TK2: variants seen among roughly 807,000 people sequenced by gnomAD.
TK2 encodes the protein thymidine kinase 2, mitochondrial.
In TK2, 35 loss-of-function variants were observed where a neutral mutation model predicts 41.9. That is an observed-to-expected ratio of 0.84 (90% CI 0.64 to 1.11). TK2 has a LOEUF of 1.11. Among genes scored for constraint, TK2 ranks in the 50% least tolerant of loss-of-function variants. The pLI, the probability that TK2 is intolerant of heterozygous loss-of-function variation, is 0.00. For synonymous variants in TK2, 128 were observed against 129.1 expected (o/e 0.99, Z 0.06); for missense variants, 320 against 351.1 (o/e 0.91, Z 0.71).
chr16:66,527,378 TAGG>T (rs991800702), intron 6 of TK2, among the ~76,000 whole-genome samples: 12 of 152,156 alleles, frequency 7.9e-5, no homozygotes, highest in African/African-American at 2.9e-4. Context: ...TCAGGGCTCC[TAGG>T]AGAAGCCTTT....
At chr16:66,523,102 G>C (rs992961976) in intron 6 of TK2, among the ~76,000 whole-genome samples, 1 of 152,194 alleles carries the variant, frequency 6.6e-6, no homozygotes, top group African/African-American at 2.4e-5. Flanking sequence ...ACTTCGAGGA[G>C]ATGCAGGATT....
At chr16:66,546,134 G>A (rs1418290253) in intron 2 of TK2, among the ~76,000 whole-genome samples, 7 of 152,214 alleles carry the variant, frequency 4.6e-5, no homozygotes, top group Non-Finnish European at 8.8e-5. Flanking sequence ...GGAGGCTGAT[G>A]TGGGAGGATC....
chr16:66,532,402 A>G (rs1965143310), intron 4 of TK2, among the ~76,000 whole-genome samples: 1 of 152,114 alleles, frequency 6.6e-6, no homozygotes, highest in African/African-American at 2.4e-5. Flanking sequence ...CCAGGAGTTC[A>G]AGACCAGCCT....
chr16:66,518,843 T>C (rs1290901934), intron 6 of TK2, among the ~76,000 whole-genome samples: 1 of 152,240 alleles, frequency 6.6e-6, no homozygotes, highest in Non-Finnish European at 1.5e-5. Flanking sequence ...CAGGACTACA[T>C]GAGACTTTTC....
intron 6 of TK2, among the ~76,000 whole-genome samples, chr16:66,518,949 A>C (rs879670188): frequency 6.6e-6 from 1 of 151,706 alleles, no homozygotes; most frequent in Non-Finnish European, 1.5e-5. Flanking sequence ...TACATATTTT[A>C]GTTTTTATTT....
At chr16:66,543,618 G>T (rs946104344) in intron 2 of TK2, among the ~76,000 whole-genome samples, 1 of 152,184 alleles carries the variant, frequency 6.6e-6, no homozygotes, top group Non-Finnish European at 1.5e-5. Context: ...GGCAACACAG[G>T]TAACTTACCC....
At chr16:66,542,417 A>T (rs1445092672) in intron 2 of TK2, among the ~76,000 whole-genome samples, 1 of 152,204 alleles carries the variant, frequency 6.6e-6, no homozygotes, top group African/African-American at 2.4e-5. Flanking sequence ...CCATTAGGAA[A>T]GGGGAGAAGA....
At chr16:66,515,684 G>T (rs1964591753) in intron 8 of TK2, among the ~76,000 whole-genome samples, 1 of 152,330 alleles carries the variant, frequency 6.6e-6, no homozygotes, top group South Asian at 2.1e-4. Context: ...CCCCAGGCTT[G>T]GGGAGCATCT....
At chr16:66,512,240 T>G (rs773323592) in intron 9 of TK2, among the ~76,000 whole-genome samples, 174 bp from the exon 10 acceptor site, 2 of 152,198 alleles carry the variant, frequency 1.3e-5, no homozygotes, top group African/African-American at 2.4e-5. Flanking sequence ...TAGGGCAATC[T>G]ACATTTCCAA....
rs34931863 is a variant in TK2, at chr16:66,510,210, CAAAAA to C, written c.*1753_*1757del. 1.3e-4 allele frequency: 12 copies of C among 89,656 alleles called. No individual in the cohort carries two copies. The highest frequency in any genetic ancestry group is 1.1e-4 in the Admixed American group (1 of 8,766). The allele number at this position is 89,656 out of a possible 1,614,324, so 5.6% of individuals were successfully genotyped here. On this transcript the variant is annotated 3_prime_UTR_variant, in exon 10 of 10. Transcript: ENST00000544898. ...GGACCTCTTGAGATTGTGCCTTAGG[CAAAAA>C]AAAAAAAAAAAAAAGAGAGAGAAAT...
intron 6 of TK2, among the ~76,000 whole-genome samples, chr16:66,528,631 G>C (rs995989419): frequency 1.3e-5 from 2 of 152,218 alleles, no homozygotes; most frequent in African/African-American, 4.8e-5. Context: ...GTCACCGTGA[G>C]AAGTGGACAC....
intron 2 of TK2, chr16:66,546,430 G>A (rs1447394008): frequency 6.6e-6 from 1 of 152,022 alleles, no homozygotes; most frequent in African/African-American, 2.4e-5. Context: ...ATAACTAAGG[G>A]AAGACACTTT....
At chr16:66,534,415 A>G (rs767688664) in intron 4 of TK2, among the ~76,000 whole-genome samples, 58 of 152,332 alleles carry the variant, frequency 3.8e-4, no homozygotes, top group East Asian at 7.7e-4. Context: ...TGAAACCTAA[A>G]TCAGTTCTTG....
At chr16:66,550,231 C>G (rs1412785210), upstream of TK2, 1 of 1,607,772 alleles carries the variant, frequency 6.2e-7, no homozygotes, top group Non-Finnish European at 8.5e-7. Flanking sequence ...AGAGGTTCGC[C>G]GCTGGCAGCC....
At chr16:66,528,057 C>T (rs776418379) in intron 6 of TK2, among the ~76,000 whole-genome samples, 37 of 152,066 alleles carry the variant, frequency 2.4e-4, no homozygotes, top group African/African-American at 7.7e-4. Context: ...AAACCAAAAA[C>T]GAAACAAAGA....
chr16:66,550,282 A>G (rs762459529), upstream of TK2: 6 of 1,583,250 alleles, frequency 3.8e-6, no homozygotes, highest in South Asian at 6.8e-5. Context: ...GAACGCACCC[A>G]TAACTTGGCA....
intron 6 of TK2, among the ~76,000 whole-genome samples, 187 bp downstream of exon 6, chr16:66,528,807 T>C (rs1965015242): frequency 6.6e-6 from 1 of 152,182 alleles, no homozygotes; most frequent in African/African-American, 2.4e-5. Context: ...CCTGGCTGAC[T>C]GGGCAATGAA....
intron 2 of TK2, 101 bp downstream of exon 2, chr16:66,548,877 T>G: frequency 4.2e-6 from 5 of 1,203,172 alleles, no homozygotes; most frequent in Non-Finnish European, 6.1e-6. Context: ...TATTTTTGCT[T>G]TTTACTATGG....
intron 2 of TK2, among the ~76,000 whole-genome samples, chr16:66,545,901 T>C (rs1177930836): frequency 2.0e-5 from 3 of 152,074 alleles, no homozygotes; most frequent in Non-Finnish European, 4.4e-5. Flanking sequence ...CCATTTTATA[T>C]GGAACGTCCA....
Sources: allele counts gnomAD v4.1 joint callset (sites outside exome capture counted in the v4.1 genomes callset), GRCh38; gene constraint gnomAD v4.1.1; transcripts MANE v1.5; gene names NCBI Gene and HGNC (gene_info 2026-07-23, HGNC 2026-07-21).